DLG2: variants seen among roughly 807,000 people sequenced by gnomAD.
DLG2 encodes the protein disks large homolog 2.
In DLG2, 45 loss-of-function variants were observed where a neutral mutation model predicts 132.5. The observed-to-expected ratio is 0.34, with a 90% CI of 0.27 to 0.44. The LOEUF (loss-of-function observed/expected upper bound fraction) is 0.44. DLG2 is among the 20% of genes least tolerant of loss of function. The pLI, the probability that DLG2 is intolerant of heterozygous loss-of-function variation, is 1.00. For synonymous variants in DLG2, 424 were observed against 419.6 expected, an observed-to-expected ratio of 1.01 and a Z score of -0.13; for missense variants, 1,045 against 1,196.9, an observed-to-expected ratio of 0.87 and a Z score of 1.87.
At chr11:85,507,870 T>C (rs2093970854) in intron 3 of DLG2, among the ~76,000 whole-genome samples, 1 of 152,096 alleles carries the variant, frequency 6.6e-6, no homozygotes, top group Admixed American at 6.6e-5. Context: ...GGTCTTTTCA[T>C]GTAGTCCCAT....
chr11:83,926,793 C>A (rs2079055509), intron 15 of DLG2, among the ~76,000 whole-genome samples: 1 of 152,082 alleles, frequency 6.6e-6, no homozygotes, highest in African/African-American at 2.4e-5. Context: ...CAGAGAACAG[C>A]ACACAGGTGA....
intron 10 of DLG2, among the ~76,000 whole-genome samples, chr11:84,094,954 T>G (rs544821837): frequency 6.6e-6 from 1 of 152,284 alleles, no homozygotes; most frequent in East Asian, 1.9e-4. Flanking sequence ...AAAGGAAACA[T>G]AGCAGATTCA....
chr11:85,114,178 A>C (rs1362711843), intron 5 of DLG2, among the ~76,000 whole-genome samples: 1 of 151,984 alleles, frequency 6.6e-6, no homozygotes, highest in East Asian at 1.9e-4. Context: ...CTCCTTCTTC[A>C]GTATCTTTTG....
At chr11:83,771,411 G>A (rs960644190) in intron 18 of DLG2, among the ~76,000 whole-genome samples, 1 of 152,098 alleles carries the variant, frequency 6.6e-6, no homozygotes, top group Admixed American at 6.5e-5. Flanking sequence ...TAAAAATACA[G>A]CAATGTGTTG....
chr11:84,829,971 T>C (rs1173942580), intron 6 of DLG2, among the ~76,000 whole-genome samples: 1 of 151,672 alleles, frequency 6.6e-6, no homozygotes, highest in Non-Finnish European at 1.5e-5. Context: ...AAGTCATCAA[T>C]GCTTCATTAG....
intron 6 of DLG2, among the ~76,000 whole-genome samples, chr11:84,738,635 T>A (rs2064182347): frequency 6.6e-6 from 1 of 152,110 alleles, no homozygotes; most frequent in Non-Finnish European, 1.5e-5. Context: ...ATTCCAAGTG[T>A]TGATGAGGAT....
intron 18 of DLG2, among the ~76,000 whole-genome samples, chr11:83,707,768 A>G (rs1318438155): frequency 6.6e-6 from 1 of 152,196 alleles, no homozygotes; most frequent in Non-Finnish European, 1.5e-5. Context: ...CAGTGCACTC[A>G]CGGTTCTTGA....
At chr11:84,819,005 C>T (rs562821306) in intron 6 of DLG2, among the ~76,000 whole-genome samples, 3 of 151,062 alleles carry the variant, frequency 2.0e-5, no homozygotes, top group Admixed American at 6.6e-5. Flanking sequence ...TGAGAGCCCA[C>T]GACTCACCAG....
intron 6 of DLG2, among the ~76,000 whole-genome samples, chr11:84,712,134 C>A (rs770352093): frequency 6.6e-6 from 1 of 151,954 alleles, no homozygotes; most frequent in African/African-American, 2.4e-5. Flanking sequence ...TAAAACTTTC[C>A]CTGGATATCC....
At chr11:83,882,626 C>T (rs146665272) in intron 15 of DLG2, among the ~76,000 whole-genome samples, 48 of 152,198 alleles carry the variant, frequency 3.2e-4, no homozygotes, top group African/African-American at 1.1e-3. Context: ...ACCAATAAAA[C>T]ACTCATTTTA....
intron 6 of DLG2, among the ~76,000 whole-genome samples, chr11:85,042,542 A>G (rs1344611397): frequency 1.3e-5 from 2 of 152,026 alleles, no homozygotes; most frequent in Non-Finnish European, 2.9e-5. Context: ...CTCTCTGACA[A>G]ATGACCTAGT....
At chr11:83,686,668 T>G (rs1451592456) in intron 18 of DLG2, among the ~76,000 whole-genome samples, 1 of 152,236 alleles carries the variant, frequency 6.6e-6, no homozygotes, top group Non-Finnish European at 1.5e-5. Flanking sequence ...AATTTCTTAC[T>G]GTCCCTACAT....
intron 6 of DLG2, among the ~76,000 whole-genome samples, chr11:84,660,164 T>C (rs555815718): frequency 1.3e-4 from 20 of 152,106 alleles, no homozygotes; most frequent in Middle Eastern, 6.8e-3. Context: ...CCATTAAAAA[T>C]CACAGTGTTA....
At chr11:85,620,682 A>C (rs1003455723) in intron 2 of DLG2, among the ~76,000 whole-genome samples, 7 of 152,248 alleles carry the variant, frequency 4.6e-5, no homozygotes, top group African/African-American at 1.7e-4. Flanking sequence ...ACCAAAGTCT[A>C]ATCCAGAGCA....
intron 9 of DLG2, among the ~76,000 whole-genome samples, chr11:84,146,154 G>A (rs1205425810): frequency 6.6e-6 from 1 of 152,148 alleles, no homozygotes; most frequent in African/African-American, 2.4e-5. Context: ...TTGGAAGTTA[G>A]GACACAGTAA....
chr11:84,555,569 A>G (rs2099410298), intron 6 of DLG2, among the ~76,000 whole-genome samples: 1 of 152,214 alleles, frequency 6.6e-6, no homozygotes, highest in African/African-American at 2.4e-5. Context: ...TAATAAAAAG[A>G]CAAATGGTGT....
At chr11:83,944,701 T>G (rs1254160548) in intron 14 of DLG2, among the ~76,000 whole-genome samples, 1 of 152,108 alleles carries the variant, frequency 6.6e-6, no homozygotes, top group African/African-American at 2.4e-5. Flanking sequence ...GACAATACAT[T>G]CCAATCACAG....
chr11:84,086,789 C>A (rs1462388348), intron 10 of DLG2, among the ~76,000 whole-genome samples: 1 of 152,064 alleles, frequency 6.6e-6, no homozygotes, highest in East Asian at 1.9e-4. Flanking sequence ...GGTGCCCAGC[C>A]TAGAACATTT....
At chr11:84,994,512 C>T (rs2154127067) in intron 6 of DLG2, among the ~76,000 whole-genome samples, 1 of 152,260 alleles carries the variant, frequency 6.6e-6, no homozygotes, top group South Asian at 2.1e-4. Flanking sequence ...TGGACTACCA[C>T]CGTCACCACC....
Sources: gnomAD v4.1 joint callset for allele counts (sites outside exome capture counted in the v4.1 genomes callset) on GRCh38, gnomAD v4.1.1 for gene constraint, MANE v1.5 for transcripts, NCBI Gene and HGNC (gene_info 2026-07-23, HGNC 2026-07-21) for gene names.